The following RIIAD1 variants were observed in gnomAD, a reference collection of about 807,000 sequenced individuals.
The protein encoded by RIIAD1 is regulatory subunit of type II PKA R-subunit domain containing 1, also known as RIIa domain-containing protein 1.
Under a neutral mutation model 13.3 loss-of-function variants are expected in RIIAD1, and 15 were observed. That is an observed-to-expected ratio of 1.13 (90% CI 0.76 to 1.74). RIIAD1 has a LOEUF of 1.74. Ranked by LOEUF, RIIAD1 falls within the 40% of genes most tolerant of loss-of-function variation. The probability of loss-of-function intolerance (pLI) is 0.00; values close to 1 mark genes in which losing one functional copy is unlikely to be tolerated. For missense variants in RIIAD1, 121 were observed against 112.2 expected (o/e 1.08, Z -0.35); for synonymous variants, 50 against 43.3 (o/e 1.16, Z -0.61).
At chr1:151,719,708 T>C (rs1004088837), upstream of RIIAD1, 4 of 697,594 alleles carry the variant, frequency 5.7e-6, no homozygotes, top group East Asian at 8.1e-5. Flanking sequence ...GCCAACACAA[T>C]ACATAATAGT....
intron 2 of RIIAD1, among the ~76,000 whole-genome samples, chr1:151,712,777 T>G (rs1673130526): frequency 6.6e-6 from 1 of 152,094 alleles, no homozygotes; most frequent in Admixed American, 6.5e-5. Context: ...GTGACAGAGA[T>G]GGGGAGCAAG....
chr1:151,727,918 A>G (rs1186636509), intron 3 of RIIAD1, among the ~76,000 whole-genome samples: 5 of 152,150 alleles, frequency 3.3e-5, no homozygotes, highest in African/African-American at 1.2e-4. Flanking sequence ...AGGGTTCTCA[A>G]CCCTAGCTGT....
upstream of RIIAD1, among the ~76,000 whole-genome samples, chr1:151,718,611 G>A (rs547994708): frequency 1.3e-5 from 2 of 152,296 alleles, no homozygotes; most frequent in African/African-American, 4.8e-5. Flanking sequence ...TCTGGCAGGT[G>A]CTTGCATTTG....
chr1:151,721,999 C>T, intron 1 of RIIAD1, 87 bp from the exon 2 acceptor site: 1 of 915,242 alleles, frequency 1.1e-6, no homozygotes. Context: ...TAAATGCGCA[C>T]GCCGTTTCCC....
intron 1 of RIIAD1, 22 bp from the exon 2 acceptor site, chr1:151,722,064 A>G (rs1450265311): frequency 6.6e-7 from 1 of 1,516,750 alleles, no homozygotes; most frequent in Non-Finnish European, 9.0e-7. Context: ...AATGGAAGTG[A>G]CCCTTTGTTC....
intron 2 of RIIAD1, among the ~76,000 whole-genome samples, chr1:151,727,144 G>T (rs1438977903): frequency 2.0e-5 from 3 of 152,130 alleles, no homozygotes; most frequent in South Asian, 2.1e-4. Flanking sequence ...ATTAGCCATC[G>T]CACATGCCTG....
chr1:151,716,009 C>T (rs781166346), intron 4 of RIIAD1: 75 of 1,612,344 alleles, frequency 4.7e-5, no homozygotes, highest in African/African-American at 1.5e-4. Context: ...TGATGGCATC[C>T]GGCTCCTTCA....
chr1:151,713,284 A>C (rs908129893), intron 2 of RIIAD1, among the ~76,000 whole-genome samples: 1 of 152,068 alleles, frequency 6.6e-6, no homozygotes, highest in Non-Finnish European at 1.5e-5. Flanking sequence ...GTGCCTCTCC[A>C]CACCCAGGAT....
At chr1:151,714,353 A>T (rs1365306972) in intron 3 of RIIAD1, 13 of 609,788 alleles carry the variant, frequency 2.1e-5, no homozygotes, top group Non-Finnish European at 3.8e-5. Context: ...GAAGTGGGGA[A>T]GGGGCTGCAT....
chr1:151,715,888 C>G, intron 4 of RIIAD1: 3 of 1,613,784 alleles, frequency 1.9e-6, no homozygotes, highest in Non-Finnish European at 2.5e-6. Flanking sequence ...TTGTGCAGCC[C>G]GGTGTACTTG....
intron 2 of RIIAD1, among the ~76,000 whole-genome samples, chr1:151,722,571 G>A (rs1673757767): frequency 6.6e-6 from 1 of 152,104 alleles, no homozygotes; most frequent in Admixed American, 6.6e-5. Flanking sequence ...TTTCAGCCTG[G>A]CATTTGCTTG....
upstream of RIIAD1, chr1:151,716,752 C>G (rs1426532178): frequency 2.2e-6 from 1 of 460,188 alleles, no homozygotes; most frequent in Non-Finnish European, 4.5e-6. Context: ...CTTTCCCGGT[C>G]ACCTGGGTCC....
upstream of RIIAD1, among the ~76,000 whole-genome samples, chr1:151,719,097 A>C (rs994955312): frequency 5.3e-5 from 8 of 152,254 alleles, no homozygotes; most frequent in East Asian, 1.3e-3. Context: ...AGACAGCTGC[A>C]GACAGCAAAA....
At chr1:151,725,105 G>GC (rs1373211414) in intron 2 of RIIAD1, among the ~76,000 whole-genome samples, 1 of 80,108 alleles carries the variant, frequency 1.2e-5, no homozygotes, top group African/African-American at 4.7e-5. Context: ...ACCGCACCTC[G>GC]CCTTTTTTTT....
At position 151,723,649 on chromosome 1, in the gene RIIAD1, G is replaced by A. The variant is rs1421619525; in HGVS notation, c.161+1487G>A. ...TGGGAGGCAGAGGTTGCAGTGAGCCGAGATTGCGCCACTGCACTCCAGCCT... is the reference window on the plus strand; with the variant it reads ...TGGGAGGCAGAGGTTGCAGTGAGCCAAGATTGCGCCACTGCACTCCAGCCT... On this transcript the variant is annotated intron_variant, in intron 2 of 4. Coordinates refer to ENST00000479191, the MANE Select transcript of RIIAD1 (RefSeq NM_001144956.3). 3.9e-5 allele frequency among the ~76,000 whole-genome samples: 6 copies of A among 152,320 alleles called. No homozygotes were observed. The South Asian group carries it at 8.3e-4, about 21-fold the overall frequency.
At chr1:151,729,430 A>T (rs924642611) in intron 4 of RIIAD1, 58 bp from the exon 5 acceptor site, 18 of 152,394 alleles carry the variant, frequency 1.2e-4, no homozygotes, top group African/African-American at 4.1e-4. Context: ...TTAAAAAAAA[A>T]ATGTGAGGTG....
At chr1:151,714,012 G>A (rs144416504) in intron 3 of RIIAD1, among the ~76,000 whole-genome samples, 2 of 152,230 alleles carry the variant, frequency 1.3e-5, no homozygotes, top group East Asian at 3.9e-4. Context: ...CTACTTCCAG[G>A]CCTACCTCCA....
At chr1:151,715,761 A>G in intron 4 of RIIAD1, 1 of 1,596,922 alleles carries the variant, frequency 6.3e-7, no homozygotes. Context: ...CTCAGGCCTG[A>G]ACTCTTCTCC....
At chr1:151,714,825 G>T (rs1312624923) in intron 4 of RIIAD1, 4 of 637,144 alleles carry the variant, frequency 6.3e-6, no homozygotes, top group Non-Finnish European at 1.1e-5. Context: ...TCTCCAAGGG[G>T]TAGACTCTCT....
Sources: gnomAD v4.1 joint callset for allele counts (sites outside exome capture counted in the v4.1 genomes callset) on GRCh38, gnomAD v4.1.1 for gene constraint, MANE v1.5 for transcripts, NCBI Gene and HGNC (gene_info 2026-07-23, HGNC 2026-07-21) for gene names.